LMX1A: variants seen among roughly 807,000 people sequenced by gnomAD.
LMX1A encodes the protein LIM homeobox transcription factor 1-alpha.
In LMX1A, 15 loss-of-function variants were observed where a neutral mutation model predicts 49.1. The observed-to-expected ratio is 0.31, with a 90% CI of 0.20 to 0.47. The LOEUF (loss-of-function observed/expected upper bound fraction) is 0.47. Ranked by LOEUF, LMX1A falls within the 20% of genes least tolerant of loss-of-function variation. The probability of loss-of-function intolerance (pLI) is 1.00; values close to 1 mark genes in which losing one functional copy is unlikely to be tolerated. For missense variants in LMX1A, 372 were observed against 475.8 expected (o/e 0.78, Z 2.03); for synonymous variants, 167 against 185.7 (o/e 0.90, Z 0.82).
At chr1:165,270,674 A>G (rs553601647) in intron 3 of LMX1A, among the ~76,000 whole-genome samples, 2 of 152,278 alleles carry the variant, frequency 1.3e-5, no homozygotes, top group African/African-American at 4.8e-5. Flanking sequence ...GGGATGGAAG[A>G]GGGCCTTGAG....
intron 4 of LMX1A, among the ~76,000 whole-genome samples, chr1:165,247,803 T>C (rs1344135542): frequency 6.6e-6 from 1 of 152,012 alleles, no homozygotes; most frequent in Non-Finnish European, 1.5e-5. Context: ...CTGTGGAGAT[T>C]GAGGCTTAGA....
chr1:165,211,763 C>G (rs959914901), intron 5 of LMX1A, among the ~76,000 whole-genome samples: 1 of 152,196 alleles, frequency 6.6e-6, no homozygotes, highest in African/African-American at 2.4e-5. Flanking sequence ...ATCCATTCCT[C>G]AGAGGCCCAG....
At chr1:165,347,587 T>C (rs1169656162) in intron 3 of LMX1A, among the ~76,000 whole-genome samples, 5 of 152,230 alleles carry the variant, frequency 3.3e-5, no homozygotes, top group Non-Finnish European at 7.3e-5. Flanking sequence ...TGAAAAACAC[T>C]GAAGTAGAGC....
chr1:165,315,721 A>G (rs1655200788), intron 3 of LMX1A, among the ~76,000 whole-genome samples: 1 of 152,124 alleles, frequency 6.6e-6, no homozygotes, highest in African/African-American at 2.4e-5. Context: ...CCTCAAAACC[A>G]TCAAGGAGGC....
intron 3 of LMX1A, among the ~76,000 whole-genome samples, chr1:165,258,619 T>G (rs955437785): frequency 1.3e-5 from 2 of 152,184 alleles, no homozygotes; most frequent in African/African-American, 4.8e-5. Flanking sequence ...GAGTGAGAAC[T>G]GCTAAGTATG....
Position 165,210,610 on chromosome 1 carries a change from A to T in LMX1A, c.747+89T>A, listed in dbSNP as rs1216861779. 4 of 931,806 alleles carry T rather than the reference A, an allele frequency of 4.3e-6. No homozygotes were observed. In the South Asian group the frequency reaches 6.8e-5, roughly 16 times the overall value. 57.7% of individuals were successfully genotyped at this position (931,806 alleles called of 1,614,324 possible). ...CTACTCTATCCAATGAGCTAAGGCG[A>T]GAAAACCTGGCAGCAAGTACAATGT... On this transcript the variant is annotated intron_variant, in intron 6 of 8. Coordinates refer to ENST00000342310, the MANE Select transcript of LMX1A (RefSeq NM_177398.4).
At chr1:165,229,722 T>C (rs1398367749) in intron 4 of LMX1A, among the ~76,000 whole-genome samples, 1 of 138,254 alleles carries the variant, frequency 7.2e-6, no homozygotes, top group African/African-American at 2.7e-5. Context: ...AGGGTTTTTT[T>C]GTTTTTTTGT....
intron 3 of LMX1A, among the ~76,000 whole-genome samples, chr1:165,287,551 G>A (rs937762086): frequency 7.2e-5 from 11 of 152,130 alleles, no homozygotes; most frequent in African/African-American, 2.7e-4. Flanking sequence ...CATCTGGGAA[G>A]GGTGAAGGTG....
intron 5 of LMX1A, among the ~76,000 whole-genome samples, 185 bp downstream of exon 5, chr1:165,213,456 T>C (rs1351723613): frequency 1.3e-5 from 2 of 152,208 alleles, no homozygotes; most frequent in Non-Finnish European, 2.9e-5. Context: ...GGAGAGTCTA[T>C]CACACCCTGG....
chr1:165,245,961 G>A (rs989148710), intron 4 of LMX1A, among the ~76,000 whole-genome samples: 1 of 151,492 alleles, frequency 6.6e-6, no homozygotes, highest in African/African-American at 2.4e-5. Flanking sequence ...CCAAGTCATT[G>A]ATAAAAAGGT....
chr1:165,356,225 C>G (rs891629868), intron 1 of LMX1A, 130 bp downstream of exon 1: 1 of 152,388 alleles, frequency 6.6e-6, no homozygotes, highest in Non-Finnish European at 1.5e-5. Flanking sequence ...CCGGGAATGT[C>G]TGCAGAAGCA....
intron 3 of LMX1A, among the ~76,000 whole-genome samples, chr1:165,279,583 C>T (rs573917521): frequency 2.0e-5 from 3 of 152,292 alleles, no homozygotes; most frequent in Admixed American, 1.3e-4. Context: ...TTCCTTATGC[C>T]TCTGTTTCCC....
intron 3 of LMX1A, among the ~76,000 whole-genome samples, chr1:165,315,235 G>A (rs1184034089): frequency 1.3e-5 from 2 of 152,058 alleles, no homozygotes; most frequent in East Asian, 1.9e-4. Context: ...ATGTCCCCAC[G>A]AACCACATCT....
At chr1:165,211,647 G>T (rs1651401789) in intron 5 of LMX1A, among the ~76,000 whole-genome samples, 1 of 152,196 alleles carries the variant, frequency 6.6e-6, no homozygotes, top group Non-Finnish European at 1.5e-5. Flanking sequence ...CTTGGGGAAA[G>T]GCTTAGAAGT....
chr1:165,242,984 T>C (rs1001742937), intron 4 of LMX1A, among the ~76,000 whole-genome samples: 1 of 147,608 alleles, frequency 6.8e-6, no homozygotes, highest in Admixed American at 6.7e-5. Context: ...TGCAGCACGA[T>C]GTACTGGATT....
At chr1:165,310,375 AG>A (rs1354427077) in intron 3 of LMX1A, among the ~76,000 whole-genome samples, 2 of 152,214 alleles carry the variant, frequency 1.3e-5, no homozygotes, top group Non-Finnish European at 2.9e-5. Context: ...GGTGACAAAA[AG>A]CACCTTCTTT....
At chr1:165,238,291 G>A (rs542352594) in intron 4 of LMX1A, among the ~76,000 whole-genome samples, 1 of 152,326 alleles carries the variant, frequency 6.6e-6, no homozygotes, top group East Asian at 1.9e-4. Context: ...GGGGGCTGTG[G>A]TTTGCACAGC....
rs188210091 is a variant in LMX1A at position 165,296,998 on chromosome 1, C to T, written c.264-47358G>A. 3.9e-5 allele frequency among the ~76,000 whole-genome samples: 6 copies of T among 152,314 alleles called. No homozygotes were observed. In the East Asian group the frequency reaches 7.7e-4, roughly 20 times the overall value. The stretch of plus-strand genomic sequence containing the variant: ...AGGTCCGCAAACTCCTAACAGGTGT[C>T]CTGGTCTGAGTGCAATCACAGTTCA... On this transcript the variant is annotated intron_variant, in intron 3 of 8. Transcript: ENST00000342310.
intron 3 of LMX1A, among the ~76,000 whole-genome samples, chr1:165,325,963 A>G (rs1488378917): frequency 1.3e-5 from 2 of 151,950 alleles, no homozygotes; most frequent in Non-Finnish European, 2.9e-5. Flanking sequence ...TCCTTCCCCC[A>G]TCCTCACCAG....
Sources: gnomAD v4.1 joint callset for allele counts (sites outside exome capture counted in the v4.1 genomes callset) on GRCh38, gnomAD v4.1.1 for gene constraint, MANE v1.5 for transcripts, NCBI Gene and HGNC (gene_info 2026-07-23, HGNC 2026-07-21) for gene names.